Variants in COX10 observed in about 807,000 individuals in gnomAD.
COX10 encodes cytochrome c oxidase assembly factor heme A:farnesyltransferase COX10.
A neutral mutation model predicts 37.3 loss-of-function variants in COX10; 27 were observed. The observed-to-expected ratio is 0.72, with a 90% confidence interval of 0.53 to 1.00. The LOEUF is 1.00. Ranked by LOEUF, COX10 falls within the 50% of genes least tolerant of loss-of-function variation. The pLI, the probability that COX10 is intolerant of heterozygous loss-of-function variation, is 0.00. For missense variants in COX10, 475 were observed against 563.2 expected (o/e 0.84, Z 1.59); for synonymous variants, 222 against 229.1 (o/e 0.97, Z 0.28).
chr17:14,153,099 GTTCTGGATTAACTAAAT>G (rs1471651170), intron 4 of COX10, among the ~76,000 whole-genome samples: 1 of 152,216 alleles, frequency 6.6e-6, no homozygotes, highest in Non-Finnish European at 1.5e-5. Flanking sequence ...GGGCAATGTA[GTTCTGGATTAACTAAAT>G]TGACACAACA....
intron 3 of COX10, among the ~76,000 whole-genome samples, chr17:14,087,751 G>A (rs1915442811): frequency 6.6e-6 from 1 of 151,426 alleles, no homozygotes; most frequent in African/African-American, 2.4e-5. Flanking sequence ...CCCAAATCTG[G>A]TTTTTAGTGT....
intron 4 of COX10, among the ~76,000 whole-genome samples, chr17:14,147,596 T>C (rs932315762): frequency 3.3e-5 from 5 of 152,070 alleles, no homozygotes; most frequent in African/African-American, 1.2e-4. Context: ...GTGACTATAG[T>C]CAATAATAAT....
rs149958202 is a variant in COX10, at chr17:14,150,042, C to T, written c.625-9835C>T. Among the ~76,000 whole-genome samples, 504 of 152,150 alleles carry T rather than the reference C, an allele frequency of 3.3e-3. 4 individuals carry two copies. Among genetic ancestry groups the T allele is most frequent in the African/African-American group, 0.011 (472 of 41,500 alleles). Reference sequence around the variant, plus strand: ...TCCCAGCACTCTTAAGAGGCTGAGGCGAGTGGATCACTTGAGGCCAAGAGT... The same window carrying T: ...TCCCAGCACTCTTAAGAGGCTGAGGTGAGTGGATCACTTGAGGCCAAGAGT... On this transcript the variant is annotated intron_variant, in intron 4 of 6. Coordinates refer to ENST00000261643, the MANE Select transcript of COX10 (RefSeq NM_001303.4).
At chr17:14,132,212 A>G (rs1916483030) in intron 4 of COX10, among the ~76,000 whole-genome samples, 1 of 151,972 alleles carries the variant, frequency 6.6e-6, no homozygotes, top group Non-Finnish European at 1.5e-5. Context: ...CCATTTTATT[A>G]TATCAGGAAT....
intron 2 of COX10, among the ~76,000 whole-genome samples, chr17:14,076,486 T>C (rs1433812177): frequency 6.6e-6 from 1 of 152,202 alleles, no homozygotes; most frequent in Non-Finnish European, 1.5e-5. Flanking sequence ...AAGGAACATA[T>C]ATTTCTAGGC....
intron 4 of COX10, among the ~76,000 whole-genome samples, chr17:14,106,089 C>A (rs1567592431): frequency 6.6e-6 from 1 of 152,074 alleles, no homozygotes; most frequent in Non-Finnish European, 1.5e-5. Context: ...TCTTGGCTCA[C>A]TGCAACCTCC....
intron 3 of COX10, among the ~76,000 whole-genome samples, chr17:14,086,992 G>T (rs1250866259): frequency 6.6e-6 from 1 of 152,182 alleles, no homozygotes; most frequent in South Asian, 2.1e-4. Flanking sequence ...ACATTCTGCT[G>T]TGGCAGTTTT....
intron 4 of COX10, among the ~76,000 whole-genome samples, chr17:14,159,326 T>C (rs1760654972): frequency 6.6e-6 from 1 of 152,218 alleles, no homozygotes; most frequent in African/African-American, 2.4e-5. Flanking sequence ...TCTCAGGCTT[T>C]GGGTTGTGTG....
rs1412581187 is a variant in COX10 at position 14,195,676 on chromosome 17, C to T, written c.928+3455C>T. ...CACTAAAGTCTAAAACAGTGGTTTG[C>T]AAACTTCAGAGAACATGATAATTAC... On this transcript the variant is annotated intron_variant, in intron 6 of 6. Coordinates refer to ENST00000261643, the MANE Select transcript of COX10 (RefSeq NM_001303.4). 3.3e-5 allele frequency among the ~76,000 whole-genome samples: 5 copies of T among 152,186 alleles called. No homozygotes were observed. The East Asian group carries it at 9.6e-4, about 29-fold the overall frequency.
chr17:14,122,892 C>A (rs1916259972), intron 4 of COX10, among the ~76,000 whole-genome samples: 1 of 152,156 alleles, frequency 6.6e-6, no homozygotes, highest in South Asian at 2.1e-4. Flanking sequence ...CAGTGCTTGC[C>A]TTTGGAGGAG....
rs1240044050 is a variant in COX10, at chr17:14,143,904, C to T, written c.625-15973C>T. Among the ~76,000 whole-genome samples the T allele has an allele frequency of 2.0e-5, 3 of 152,212 alleles. No homozygotes were observed. In the East Asian group the frequency reaches 5.8e-4, roughly 29 times the overall value. ...ATTAAGCCAACAGGTGTCAGGAGTG[C>T]TAAAGCAAGTTGGCTTTGTGCCCAC... On this transcript the variant is annotated intron_variant, in intron 4 of 6. Coordinates refer to ENST00000261643, the MANE Select transcript of COX10 (RefSeq NM_001303.4).
chr17:14,094,605 T>A lies in COX10; in HGVS notation c.500-7513T>A, dbSNP rs533537422. On this transcript the variant is annotated intron_variant, in intron 3 of 6. Transcript: ENST00000261643. Reference sequence around the variant, plus strand: ...GTCTACATTTATTAAAGGGTTGCTATCTGTTCACTCCCCTGGAGGAGACAG... The same window carrying A: ...GTCTACATTTATTAAAGGGTTGCTAACTGTTCACTCCCCTGGAGGAGACAG... Among the ~76,000 whole-genome samples, 571 of 152,348 alleles carry A rather than the reference T, an allele frequency of 3.7e-3. 6 individuals carry two copies. Among genetic ancestry groups the A allele is most frequent in the African/African-American group, 0.013 (543 of 41,576 alleles).
At chr17:14,104,229 C>T (rs1317059121) in intron 4 of COX10, among the ~76,000 whole-genome samples, 2 of 152,116 alleles carry the variant, frequency 1.3e-5, no homozygotes, top group African/African-American at 2.4e-5. Context: ...AAAATCTCAA[C>T]GATTCCCAGT....
intron 3 of COX10, among the ~76,000 whole-genome samples, chr17:14,097,872 C>G (rs760746550): frequency 6.6e-6 from 1 of 152,042 alleles, no homozygotes; most frequent in Non-Finnish European, 1.5e-5. Flanking sequence ...GGGGGATTGG[C>G]TCTAGTATCC....
At chr17:14,197,669 TA>T (rs774688287) in intron 6 of COX10, among the ~76,000 whole-genome samples, 1 of 152,240 alleles carries the variant, frequency 6.6e-6, no homozygotes, top group Non-Finnish European at 1.5e-5. Context: ...TTTGCTATTT[TA>T]TAACTGCACA....
chr17:14,076,761 C>T lies in COX10; in HGVS notation c.204C>T (p.His68=). 2 of 1,614,164 alleles carry T rather than the reference C, an allele frequency of 1.2e-6. No homozygotes were observed. Among genetic ancestry groups the T allele is most frequent in the Non-Finnish European group, 1.7e-6 (2 of 1,180,024 alleles). The change falls in exon 3 of 7, where the codon CAC becomes CAT. Residue 68 remains histidine (H), a synonymous_variant. Transcript: ENST00000261643. ...ATGTCACACAGCTGAACAGAAGCCA[C>T]AACCAGCAAGTAAGACCCAAGCCAG... ...RMYVTQLNRS[H]NQQVRPKPEP... is the part of the protein sequence containing the mutation.
chr17:14,138,895 G>A (rs1904459352), intron 4 of COX10, among the ~76,000 whole-genome samples: 2 of 152,132 alleles, frequency 1.3e-5, no homozygotes, highest in Admixed American at 6.6e-5. Flanking sequence ...AAGCAACGGA[G>A]TGCTGTGTGG....
chr17:14,164,727 C>T (rs1439590165), intron 5 of COX10, among the ~76,000 whole-genome samples: 2 of 152,108 alleles, frequency 1.3e-5, no homozygotes, highest in African/African-American at 4.8e-5. Flanking sequence ...AGTATGTGAC[C>T]TTGGAGCAAG....
At chr17:14,164,419 T>G (rs1257153853) in intron 5 of COX10, among the ~76,000 whole-genome samples, 2 of 152,264 alleles carry the variant, frequency 1.3e-5, no homozygotes, top group Non-Finnish European at 2.9e-5. Context: ...ATTGTCTATT[T>G]TATTGTGTAA....
Sources: gnomAD v4.1 joint callset for allele counts (sites outside exome capture counted in the v4.1 genomes callset) on GRCh38, gnomAD v4.1.1 for gene constraint, MANE v1.5 for transcripts, NCBI Gene and HGNC (gene_info 2026-07-23, HGNC 2026-07-21) for gene names.